Variants in CA8 observed in about 807,000 individuals in gnomAD.
The protein encoded by CA8 is carbonic anhydrase 8 (inactive).
In CA8, 22 loss-of-function variants were observed where a neutral mutation model predicts 41.4. The ratio of observed to expected loss-of-function variants is 0.53; its 90% CI spans 0.38 to 0.76. The LOEUF (loss-of-function observed/expected upper bound fraction) is 0.76, where lower values mean the gene tolerates loss of function less well. Among genes scored for constraint, CA8 ranks in the 30% least tolerant of loss-of-function variants. The pLI is 0.00. For synonymous variants in CA8, 121 were observed against 130.6 expected (o/e 0.93, Z 0.50); for missense variants, 270 against 352.8 (o/e 0.77, Z 1.88).
intron 7 of CA8, 80 bp from the exon 8 acceptor site, chr8:60,208,999 A>G: frequency 7.3e-7 from 1 of 1,377,740 alleles, no homozygotes; most frequent in Non-Finnish European, 1.0e-6. Context: ...TGACATGCAT[A>G]AAATATGTAT....
intron 4 of CA8, among the ~76,000 whole-genome samples, chr8:60,227,789 T>C (rs1028368504): frequency 1.3e-5 from 2 of 152,194 alleles, no homozygotes; most frequent in African/African-American, 4.8e-5. Context: ...ATGTGCTTTT[T>C]ATAGCCTTCT....
chr8:60,261,241 T>C (rs758824124), intron 3 of CA8, among the ~76,000 whole-genome samples: 4 of 152,248 alleles, frequency 2.6e-5, no homozygotes, highest in Non-Finnish European at 5.9e-5. Context: ...CATCTTGCCC[T>C]GTACAATGAA....
At chr8:60,200,189 C>G (rs7464897) in intron 8 of CA8, among the ~76,000 whole-genome samples, 41,321 of 152,164 alleles carry the variant, frequency 0.27, 5,851 homozygotes, top group Middle Eastern at 0.4. Context: ...GAAGTGGGGC[C>G]TCACCAGATA....
At chr8:60,261,404 A>G (rs1803728301) in intron 3 of CA8, among the ~76,000 whole-genome samples, 1 of 152,038 alleles carries the variant, frequency 6.6e-6, no homozygotes, top group Non-Finnish European at 1.5e-5. Context: ...ATATGGCTAG[A>G]CCTCCTTTTT....
chr8:60,246,718 G>C (rs1808251476), intron 3 of CA8, among the ~76,000 whole-genome samples: 1 of 152,024 alleles, frequency 6.6e-6, no homozygotes, highest in African/African-American at 2.4e-5. Context: ...ATGTAACTCA[G>C]AAGAAAATTT....
At chr8:60,209,271 G>A (rs557116993) in intron 7 of CA8, among the ~76,000 whole-genome samples, 1 of 152,278 alleles carries the variant, frequency 6.6e-6, no homozygotes, top group Admixed American at 6.5e-5. Context: ...AGGTCACAAG[G>A]TCAAGAGTTC....
At chr8:60,192,374 A>G (rs926412371) in intron 8 of CA8, among the ~76,000 whole-genome samples, 1 of 152,148 alleles carries the variant, frequency 6.6e-6, no homozygotes, top group Non-Finnish European at 1.5e-5. Flanking sequence ...CTGTAATGAC[A>G]GCAGATATCA....
intron 3 of CA8, among the ~76,000 whole-genome samples, chr8:60,262,009 C>T (rs1365210049): frequency 2.0e-5 from 3 of 152,130 alleles, no homozygotes; most frequent in Non-Finnish European, 4.4e-5. Context: ...TGTGCCCAGC[C>T]CCACTTTTTT....
intron 3 of CA8, among the ~76,000 whole-genome samples, chr8:60,257,268 G>A (rs77561437): frequency 0.01 from 1,536 of 152,206 alleles, 21 homozygotes; most frequent in African/African-American, 0.034. Context: ...GTGAGCCACT[G>A]GCGCCCAATC....
chr8:60,275,651 C>T (rs1209031914), intron 2 of CA8, among the ~76,000 whole-genome samples: 2 of 151,544 alleles, frequency 1.3e-5, no homozygotes, highest in Non-Finnish European at 2.9e-5. Context: ...AATAAAAATA[C>T]AAAATTTATC....
chr8:60,196,601 C>A (rs1806288620), intron 8 of CA8, among the ~76,000 whole-genome samples: 1 of 152,100 alleles, frequency 6.6e-6, no homozygotes, highest in African/African-American at 2.4e-5. Context: ...TATAAAGATT[C>A]AATATTGTAA....
At position 60,279,812 on chromosome 8, in the gene CA8, T is replaced by C; in HGVS notation, c.169A>G (p.Arg57Gly). The part of the protein sequence containing the change: ...EYQSPINLNS[R>G]EARYDPSLLD... ...AGCGAGGGGTCATACCTAGCCTCTC[T>C]TGAGTTTAGGTTAATAGGAGACTGG... is the stretch of plus-strand genomic sequence containing the variant. Residue 57 changes from arginine (R) to glycine (G), a missense_variant, in exon 2 of 9, where the codon AGA becomes GGA. This residue lies in a region of CA8 where 123 missense variants were observed against 136.8 expected (regional missense o/e 0.90). Coordinates refer to ENST00000317995, the MANE Select transcript of CA8 (RefSeq NM_004056.6). The C allele has an allele frequency of 6.2e-7, 1 of 1,614,040 alleles. No individual in the cohort carries two copies. Among genetic ancestry groups the C allele is most frequent in the Non-Finnish European group, 8.5e-7 (1 of 1,179,948 alleles).
At chr8:60,205,038 A>G (rs1428086559) in intron 8 of CA8, among the ~76,000 whole-genome samples, 8 of 152,220 alleles carry the variant, frequency 5.3e-5, no homozygotes, top group Admixed American at 1.3e-4. Context: ...CAAAAGTACA[A>G]GTAGGGAAGA....
intron 3 of CA8, among the ~76,000 whole-genome samples, chr8:60,243,538 C>A (rs1266679581): frequency 6.6e-6 from 1 of 152,154 alleles, no homozygotes; most frequent in Non-Finnish European, 1.5e-5. Flanking sequence ...CTCCTCCTTG[C>A]CCATTTCCTC....
chr8:60,249,686 T>C (rs1808378583), intron 3 of CA8, among the ~76,000 whole-genome samples: 1 of 152,216 alleles, frequency 6.6e-6, no homozygotes, highest in Non-Finnish European at 1.5e-5. Context: ...GTATTTTCTG[T>C]ATCATCATTT....
intron 8 of CA8, among the ~76,000 whole-genome samples, chr8:60,201,557 G>A (rs938926011): frequency 1.3e-5 from 2 of 152,182 alleles, no homozygotes; most frequent in Non-Finnish European, 2.9e-5. Context: ...CCAGTAAAAT[G>A]AGGTCTAAAA....
intron 2 of CA8, among the ~76,000 whole-genome samples, chr8:60,278,858 G>A (rs576482404): frequency 6.6e-6 from 1 of 152,232 alleles, no homozygotes; most frequent in Non-Finnish European, 1.5e-5. Context: ...ATTAATTTTC[G>A]AGCACAGTCT....
intron 8 of CA8, among the ~76,000 whole-genome samples, chr8:60,203,692 C>A (rs2130405026): frequency 6.6e-6 from 1 of 152,200 alleles, no homozygotes. Context: ...TCTCCTTATA[C>A]TCCTGATTAA....
chr8:60,261,900 C>T (rs1348912555), intron 3 of CA8, among the ~76,000 whole-genome samples: 2 of 151,964 alleles, frequency 1.3e-5, no homozygotes, highest in East Asian at 1.9e-4. Context: ...TTAGTAGAGA[C>T]GGGGTTCCAC....
Sources: allele counts gnomAD v4.1 joint callset (sites outside exome capture counted in the v4.1 genomes callset), GRCh38; gene constraint gnomAD v4.1.1; regional missense constraint gnomAD v4.1.1; transcripts MANE v1.5; gene names NCBI Gene and HGNC (gene_info 2026-07-23, HGNC 2026-07-21).